Variants in TTBK2 observed in about 807,000 individuals in gnomAD.
The protein encoded by TTBK2 is tau-tubulin kinase 2.
A neutral mutation model predicts 110.8 loss-of-function variants in TTBK2; 28 were observed. That is an observed-to-expected ratio of 0.25 (90% confidence interval 0.19 to 0.35). TTBK2 has a LOEUF of 0.35. Among genes scored for constraint, TTBK2 ranks in the 10% least tolerant of loss-of-function variants. TTBK2 has a pLI of 1.00. For synonymous variants in TTBK2, 532 were observed against 527.3 expected (o/e 1.01, Z -0.12); for missense variants, 1,369 against 1,500.3 (o/e 0.91, Z 1.45).
At chr15:42,780,616 G>T (rs1890142757) in intron 11 of TTBK2, among the ~76,000 whole-genome samples, 1 of 151,980 alleles carries the variant, frequency 6.6e-6, no homozygotes. Context: ...GAAAAGAAAG[G>T]CAGGAAAAAG....
In TTBK2 at chr15:42,752,779, G is replaced by C. The variant is rs373108991; in HGVS notation, c.2467C>G (p.Leu823Val). The C allele has an allele frequency of 1.2e-6, 2 of 1,614,078 alleles. No homozygotes were observed. The highest frequency in any genetic ancestry group is 1.7e-6 in the Non-Finnish European group (2 of 1,180,038). ...AAAGTCTGTGTTTTTGTCACATCAAGAGGTTCAGTAGTAGCTGAGTGATCC... is the reference window on the plus strand; with the variant it reads ...AAAGTCTGTGTTTTTGTCACATCAACAGGTTCAGTAGTAGCTGAGTGATCC... ...EKDHSATTEP[L>V]DVTKTQTFSV... is the part of the protein sequence containing the mutation. Residue 823 changes from leucine to valine, a missense_variant, in exon 14 of 15, where the codon CTT (leucine) becomes GTT (valine). Around this residue, in one of 4 missense-constraint regions of TTBK2, gnomAD observed 1,097 missense variants for 1,114.7 expected, o/e 0.98. Coordinates refer to ENST00000267890, the MANE Select transcript of TTBK2 (RefSeq NM_173500.4).
At chr15:42,839,272 A>G (rs906802542) in intron 4 of TTBK2, among the ~76,000 whole-genome samples, 2 of 152,204 alleles carry the variant, frequency 1.3e-5, no homozygotes, top group African/African-American at 4.8e-5. Flanking sequence ...TGCAAAGAAC[A>G]TGATTTCATT....
chr15:42,886,004 T>C (rs974743714), intron 1 of TTBK2, among the ~76,000 whole-genome samples: 8 of 152,156 alleles, frequency 5.3e-5, no homozygotes, highest in African/African-American at 1.9e-4. Context: ...AATGGGCAAA[T>C]GGTCTGAGGT....
intron 1 of TTBK2, among the ~76,000 whole-genome samples, chr15:42,895,925 A>G (rs1895650309): frequency 6.6e-6 from 1 of 152,050 alleles, no homozygotes; most frequent in Non-Finnish European, 1.5e-5. Context: ...GTCACTCCCC[A>G]TTCCCTTCTT....
chr15:42,749,917 C>CA (rs577425743), intron 14 of TTBK2, among the ~76,000 whole-genome samples: 172 of 152,026 alleles, frequency 1.1e-3, no homozygotes, highest in South Asian at 2.3e-3. Flanking sequence ...CTACAACCAT[C>CA]AAAAAAACAA....
chr15:42,758,013 G>C (rs2061971220), intron 13 of TTBK2, among the ~76,000 whole-genome samples: 1 of 152,162 alleles, frequency 6.6e-6, no homozygotes, highest in Non-Finnish European at 1.5e-5. Flanking sequence ...AGCCACTAGT[G>C]AGAAACAATG....
In TTBK2 at chr15:42,862,405, T is replaced by C. The variant is rs570095009; in HGVS notation, c.217+10206A>G. Among the ~76,000 whole-genome samples the C allele has an allele frequency of 2.0e-5, 3 of 152,336 alleles. No homozygotes were observed. The South Asian group carries it at 6.2e-4, about 32-fold the overall frequency. On this transcript the variant is annotated intron_variant, in intron 3 of 14. Coordinates refer to ENST00000267890, the MANE Select transcript of TTBK2 (RefSeq NM_173500.4). ...ATTCACCATGATCAAGTAGGCTTTA[T>C]TCTTGGGATGCACAGTTGGTTCAAC...
rs1003238641 is a variant in TTBK2 at position 42,783,653 on chromosome 15, A to G, written c.981-18T>C. On this transcript the variant is annotated intron_variant, in intron 10 of 14. Transcript: ENST00000267890. ...TGGCAATTCTACATATGAAGGGAGAAAAAAAAGGCAAGAATCAAAAATTAC... is the reference window on the plus strand; with the variant it reads ...TGGCAATTCTACATATGAAGGGAGAGAAAAAAGGCAAGAATCAAAAATTAC... 3 of 1,595,178 alleles carry G rather than the reference A, an allele frequency of 1.9e-6. No homozygotes were observed. The highest frequency in any genetic ancestry group is 1.1e-5 in the South Asian group (1 of 90,684).
chr15:42,816,049 T>C (rs1170754242), intron 7 of TTBK2, among the ~76,000 whole-genome samples: 1 of 112,416 alleles, frequency 8.9e-6, no homozygotes, highest in African/African-American at 3.8e-5. Flanking sequence ...TCCCTCTCTC[T>C]ATATAAAAAT....
chr15:42,774,850 A>G (rs575309594), intron 13 of TTBK2, among the ~76,000 whole-genome samples: 1 of 152,342 alleles, frequency 6.6e-6, no homozygotes, highest in South Asian at 2.1e-4. Flanking sequence ...AACATATATA[A>G]ACACACATAG....
At chr15:42,906,534 A>G (rs1429537460) in intron 1 of TTBK2, among the ~76,000 whole-genome samples, 1 of 152,208 alleles carries the variant, frequency 6.6e-6, no homozygotes, top group African/African-American at 2.4e-5. Context: ...ATCAAAATGG[A>G]TTAAAGACTT....
intron 7 of TTBK2, among the ~76,000 whole-genome samples, chr15:42,815,958 A>AATATAT (rs1555427628): frequency 4.4e-5 from 4 of 91,692 alleles, no homozygotes; most frequent in African/African-American, 2.5e-4. Flanking sequence ...TTAAAAAAAA[A>AATATAT]ATATATATAT....
At chr15:42,866,302 AAAG>A (rs984261789) in intron 3 of TTBK2, among the ~76,000 whole-genome samples, 4 of 152,080 alleles carry the variant, frequency 2.6e-5, no homozygotes, top group African/African-American at 9.7e-5. Context: ...AATAATAATA[AAAG>A]AAGAGTATTA....
At chr15:42,811,611 A>T in intron 8 of TTBK2, 77 bp downstream of exon 8, 2 of 1,163,210 alleles carry the variant, frequency 1.7e-6, no homozygotes, top group Non-Finnish European at 2.5e-6. Context: ...ACATAAGTAT[A>T]TTTTCAACAA....
Position 42,777,247 on chromosome 15 carries a change from C to A in TTBK2, c.1198-5G>T. The A allele has an allele frequency of 6.2e-7, 1 of 1,613,684 alleles. No individual in the cohort carries two copies. The highest frequency in any genetic ancestry group is 8.5e-7 in the Non-Finnish European group (1 of 1,179,846). On this transcript the variant is annotated splice_region_variant and splice_polypyrimidine_tract_variant and intron_variant, in intron 11 of 14. Coordinates refer to ENST00000267890, the MANE Select transcript of TTBK2 (RefSeq NM_173500.4). ...GTTCTCCTCTTCAGTAGCAGCCTAT[C>A]CAAAATATAAAATAAAATCATGAAA...
chr15:42,746,704 TGTAA>T (rs1358818529), intron 14 of TTBK2, among the ~76,000 whole-genome samples: 2 of 152,110 alleles, frequency 1.3e-5, no homozygotes, highest in East Asian at 1.9e-4. Flanking sequence ...AATCCCACAA[TGTAA>T]GTGTTTTTTT....
chr15:42,768,107 G>A (rs374635502), intron 13 of TTBK2, among the ~76,000 whole-genome samples: 13 of 152,256 alleles, frequency 8.5e-5, no homozygotes, highest in South Asian at 2.1e-4. Flanking sequence ...TCGATGGAAC[G>A]TATCTCAAAA....
chr15:42,837,556 G>A (rs1027975875), intron 4 of TTBK2, among the ~76,000 whole-genome samples: 49 of 149,026 alleles, frequency 3.3e-4, no homozygotes, highest in African/African-American at 9.9e-4. Context: ...CTACTTGAGA[G>A]ACTGAGGCAC....
chr15:42,882,515 G>A (rs1329260500), intron 1 of TTBK2, among the ~76,000 whole-genome samples: 4 of 151,886 alleles, frequency 2.6e-5, no homozygotes, highest in African/African-American at 9.7e-5. Flanking sequence ...TCAGGAGTCT[G>A]AGGCAGAAGA....
Sources: gnomAD v4.1 joint callset for allele counts (sites outside exome capture counted in the v4.1 genomes callset) on GRCh38, gnomAD v4.1.1 for gene constraint, gnomAD v4.1.1 regional missense constraint, MANE v1.5 for transcripts, NCBI Gene and HGNC (gene_info 2026-07-23, HGNC 2026-07-21) for gene names.